The following EAF2 variants were observed in gnomAD, a reference collection of about 807,000 sequenced individuals.
EAF2 encodes ELL-associated factor 2.
Under a neutral mutation model 29.4 loss-of-function variants are expected in EAF2, and 29 were observed. That is an observed-to-expected ratio of 0.99 (90% CI 0.73 to 1.35). The LOEUF (loss-of-function observed/expected upper bound fraction) is 1.35. Ranked by LOEUF, EAF2 falls within the 40% of genes most tolerant of loss-of-function variation. The pLI, the probability that EAF2 is intolerant of heterozygous loss-of-function variation, is 0.00. For missense variants in EAF2, 292 were observed against 312.0 expected (o/e 0.94, Z 0.48); for synonymous variants, 103 against 102.5 (o/e 1.00, Z -0.03).
chr3:121,841,421 C>T (rs552323517), intron 1 of EAF2, among the ~76,000 whole-genome samples: 1 of 144,342 alleles, frequency 6.9e-6, no homozygotes, highest in South Asian at 2.3e-4. Flanking sequence ...GGGAGAATCA[C>T]TTGAACCCAG....
chr3:121,868,882 A>G (rs1233488337), intron 4 of EAF2, among the ~76,000 whole-genome samples: 1 of 152,254 alleles, frequency 6.6e-6, no homozygotes, highest in Non-Finnish European at 1.5e-5. Context: ...TGTAATTGAC[A>G]GATATGTAAC....
chr3:121,883,820 T>A (rs1159270618), intron 5 of EAF2, among the ~76,000 whole-genome samples: 1 of 152,252 alleles, frequency 6.6e-6, no homozygotes, highest in African/African-American at 2.4e-5. Flanking sequence ...CAGCTATGAT[T>A]GAAAACATAT....
chr3:121,872,085 G>A (rs1709024948), intron 4 of EAF2, among the ~76,000 whole-genome samples: 1 of 149,218 alleles, frequency 6.7e-6, no homozygotes, highest in Non-Finnish European at 1.5e-5. Context: ...GGGAGCAGGG[G>A]GGAAACCTAT....
chr3:121,875,879 T>C (rs1709086244), intron 5 of EAF2, among the ~76,000 whole-genome samples: 1 of 151,740 alleles, frequency 6.6e-6, no homozygotes. Flanking sequence ...GAAGATAATA[T>C]TGAGGAACTA....
intron 5 of EAF2, chr3:121,872,990 T>C: frequency 4.9e-6 from 4 of 813,268 alleles, no homozygotes; most frequent in South Asian, 1.5e-5. Flanking sequence ...TCTCTCTAGA[T>C]AATCTTTCCT....
At chr3:121,837,354 G>A (rs1029740615) in intron 1 of EAF2, 4 of 152,156 alleles carry the variant, frequency 2.6e-5, no homozygotes, top group Non-Finnish European at 5.9e-5. Context: ...AGATAAGGGG[G>A]ACCTAATTTA....
chr3:121,876,613 T>C (rs1709100949), intron 5 of EAF2, among the ~76,000 whole-genome samples: 1 of 151,990 alleles, frequency 6.6e-6, no homozygotes, highest in African/African-American at 2.4e-5. Context: ...GAGTATTCAA[T>C]CAGTAGTTTA....
chr3:121,836,433 T>C (rs1708285888), intron 1 of EAF2, among the ~76,000 whole-genome samples: 1 of 152,228 alleles, frequency 6.6e-6, no homozygotes, highest in South Asian at 2.1e-4. Context: ...CAAAAGTTTA[T>C]TTAAGTTGTA....
At chr3:121,871,021 TTC>T (rs1709002003) in intron 4 of EAF2, among the ~76,000 whole-genome samples, 1 of 152,042 alleles carries the variant, frequency 6.6e-6, no homozygotes, top group African/African-American at 2.4e-5. Context: ...ACTTGGCAAT[TTC>T]TCTCTTTCTA....
Position 121,841,881 on chromosome 3 carries a change from C to T in EAF2, c.107-2572C>T, listed in dbSNP as rs6768950. Among the ~76,000 whole-genome samples, 223 of 151,428 alleles carry T rather than the reference C, an allele frequency of 1.5e-3. 2 individuals carry two copies. The highest frequency in any genetic ancestry group is 5.2e-3 in the African/African-American group (213 of 41,224). On this transcript the variant is annotated intron_variant, in intron 1 of 5. Transcript: ENST00000273668. ...ATTAGCCGGATATGGTGGTGCACGC[C>T]CGTAATCTCAGCTACTCAGGAGGCT...
chr3:121,836,456 A>G (rs1041635738), intron 1 of EAF2, among the ~76,000 whole-genome samples: 1 of 152,234 alleles, frequency 6.6e-6, no homozygotes, highest in African/African-American at 2.4e-5. Flanking sequence ...CAATTTAGTT[A>G]TAGTTACTCA....
At chr3:121,865,805 C>T (rs1490228593) in intron 4 of EAF2, among the ~76,000 whole-genome samples, 2 of 152,154 alleles carry the variant, frequency 1.3e-5, no homozygotes, top group Non-Finnish European at 2.9e-5. Flanking sequence ...GTTCTCCTTG[C>T]ATGCCTGGCC....
intron 5 of EAF2, among the ~76,000 whole-genome samples, chr3:121,885,723 T>C (rs1559833215): frequency 6.6e-6 from 1 of 152,202 alleles, no homozygotes; most frequent in African/African-American, 2.4e-5. Flanking sequence ...TGTTCAAATG[T>C]CACCCCTCAA....
intron 4 of EAF2, among the ~76,000 whole-genome samples, chr3:121,868,087 A>G (rs1708954788): frequency 6.6e-6 from 1 of 152,230 alleles, no homozygotes; most frequent in Non-Finnish European, 1.5e-5. Flanking sequence ...GCCCTAACAT[A>G]TATCAATAAT....
intron 4 of EAF2, among the ~76,000 whole-genome samples, chr3:121,872,035 G>T (rs910459496): frequency 1.3e-5 from 2 of 151,774 alleles, no homozygotes; most frequent in African/African-American, 4.8e-5. Flanking sequence ...ATGGGAACTG[G>T]CTCTTCAAAA....
chr3:121,851,457 A>G lies in EAF2; in HGVS notation c.202-3230A>G, dbSNP rs188609192. Among the ~76,000 whole-genome samples, 9 of 152,292 alleles carry G rather than the reference A, an allele frequency of 5.9e-5. No homozygotes were observed. The East Asian group carries it at 1.7e-3, about 29-fold the overall frequency. ...CTAAAATGGTGGGATTACATGCATG[A>G]GTCACCACACATGACCCACTCACTT... On this transcript the variant is annotated intron_variant, in intron 2 of 5. Transcript: ENST00000273668.
intron 2 of EAF2, among the ~76,000 whole-genome samples, chr3:121,852,740 C>T (rs1359499534): frequency 1.3e-5 from 2 of 152,104 alleles, no homozygotes; most frequent in African/African-American, 4.8e-5. Flanking sequence ...AGAGGTCATC[C>T]TTTTCTAACC....
chr3:121,845,702 A>G (rs1559818254), intron 2 of EAF2, among the ~76,000 whole-genome samples: 2 of 151,890 alleles, frequency 1.3e-5, no homozygotes, highest in Non-Finnish European at 2.9e-5. Context: ...TGAAAGTCCA[A>G]TGATTAGAAT....
At position 121,857,118 on chromosome 3, in the gene EAF2, A is replaced by T; in HGVS notation, c.446A>T (p.Lys149Met). ...GTAAAACATTCTCCATCTGAAGATA[A>T]GATGTCCCCAGCATCTCCAATAGAT... The part of the protein sequence containing the change: ...NLVKHSPSED[K>M]MSPASPIDDI... The change falls in exon 4 of 6, where the codon AAG becomes ATG. Residue 149 changes from lysine to methionine, a missense_variant. Transcript: ENST00000273668. The T allele has an allele frequency of 6.2e-7, 1 of 1,613,612 alleles. No homozygotes were observed.
Sources: allele counts gnomAD v4.1 joint callset (sites outside exome capture counted in the v4.1 genomes callset), GRCh38; gene constraint gnomAD v4.1.1; transcripts MANE v1.5; gene names NCBI Gene and HGNC (gene_info 2026-07-23, HGNC 2026-07-21).